SDCCAG8: variants seen among roughly 807,000 people sequenced by gnomAD.
SDCCAG8 encodes the protein SHH signaling and ciliogenesis regulator SDCCAG8.
A neutral mutation model predicts 101.8 loss-of-function variants in SDCCAG8; 74 were observed. That is an observed-to-expected ratio of 0.73 (90% CI 0.60 to 0.88). The LOEUF is 0.88. Ranked by LOEUF, SDCCAG8 falls within the 40% of genes least tolerant of loss-of-function variation. The pLI, the probability that SDCCAG8 is intolerant of heterozygous loss-of-function variation, is 0.00. For missense variants in SDCCAG8, 787 were observed against 822.6 expected, an observed-to-expected ratio of 0.96 and a Z score of 0.53; for synonymous variants, 281 against 292.9, an observed-to-expected ratio of 0.96 and a Z score of 0.41.
intron 9 of SDCCAG8, chr1:243,318,424 G>A: frequency 3.6e-6 from 1 of 276,464 alleles, no homozygotes; most frequent in Non-Finnish European, 5.5e-6. Flanking sequence ...ATACCTGGGT[G>A]ATAAAATAAT....
chr1:243,488,203 CGCAGAACG>C (rs1665466796), intron 16 of SDCCAG8: 1 of 152,332 alleles, frequency 6.6e-6, no homozygotes, highest in Non-Finnish European at 1.5e-5. Flanking sequence ...GGCCGGTGTC[CGCAGAACG>C]GCCCACGAGG....
At chr1:243,447,265 A>C (rs1230155921) in intron 16 of SDCCAG8, among the ~76,000 whole-genome samples, 1 of 150,842 alleles carries the variant, frequency 6.6e-6, no homozygotes, top group Non-Finnish European at 1.5e-5. Flanking sequence ...AAAAAAAAAA[A>C]AAAAAAAAAA....
Position 243,473,767 on chromosome 1 carries a change from CTT to C in SDCCAG8, c.1986-15245_1986-15244del, listed in dbSNP as rs1661703360. Among the ~76,000 whole-genome samples, 3 of 152,156 alleles carry C rather than the reference CTT, an allele frequency of 2.0e-5. No individual in the cohort carries two copies. In the South Asian group the frequency reaches 6.2e-4, roughly 32 times the overall value. ...GCTCAGAAGTGAAACTAAACGGTAA[CTT>C]TGTAAAGAGAGGAAGGGAATTCAAG... On this transcript the variant is annotated intron_variant, in intron 16 of 17. Coordinates refer to ENST00000366541, the MANE Select transcript of SDCCAG8 (RefSeq NM_006642.5).
intron 16 of SDCCAG8, among the ~76,000 whole-genome samples, chr1:243,445,763 C>G (rs531503430): frequency 7.2e-5 from 11 of 152,334 alleles, no homozygotes; most frequent in Admixed American, 7.2e-4. Flanking sequence ...TTTAATGGCC[C>G]TTGCCCACCA....
At chr1:243,288,197 T>A (rs2069823474) in intron 5 of SDCCAG8, among the ~76,000 whole-genome samples, 1 of 152,152 alleles carries the variant, frequency 6.6e-6, no homozygotes. Flanking sequence ...AGATACAGTG[T>A]CTTACGCATG....
At chr1:243,477,294 T>A (rs1558522895) in intron 16 of SDCCAG8, among the ~76,000 whole-genome samples, 1 of 152,192 alleles carries the variant, frequency 6.6e-6, no homozygotes, top group African/African-American at 2.4e-5. Flanking sequence ...CTGCAAAGAT[T>A]CTGATTTTCA....
rs73118384 is a variant in SDCCAG8 at position 243,390,170 on chromosome 1, T to C, written c.1616+11307T>C. ...ATCTTTTTTTTCCTCCTGAGTTTTA[T>C]TCAAGAATTTTTAGCCTAAAGTTTC... On this transcript the variant is annotated intron_variant, in intron 13 of 17. Coordinates refer to ENST00000366541, the MANE Select transcript of SDCCAG8 (RefSeq NM_006642.5). Among the ~76,000 whole-genome samples the C allele has an allele frequency of 9.3e-3, 1,422 of 152,348 alleles. 26 individuals are homozygous for C. Among genetic ancestry groups the C allele is most frequent in the African/African-American group, 0.033 (1,361 of 41,576 alleles).
chr1:243,270,136 A>G lies in SDCCAG8; in HGVS notation c.99A>G (p.Thr33=), dbSNP rs150953430. ...EHASRSIHQL[T]CALKEGDVTI... Reference sequence around the variant, plus strand: ...CCAGCAGAAGCATTCACCAACTGACATGTGCCCTGAAAGAAGGCGATGTCA... The same window carrying G: ...CCAGCAGAAGCATTCACCAACTGACGTGTGCCCTGAAAGAAGGCGATGTCA... Residue 33 remains threonine (T), a synonymous_variant, in exon 2 of 18, where the codon ACA becomes ACG. Transcript: ENST00000366541. 24 of 1,614,234 alleles carry G rather than the reference A, an allele frequency of 1.5e-5. No individual in the cohort carries two copies. The African/African-American group carries it at 2.9e-4, about 20-fold the overall frequency.
Position 243,433,787 on chromosome 1 carries a change from C to T in SDCCAG8, c.1985+7229C>T, listed in dbSNP as rs1253667518. Among the ~76,000 whole-genome samples, 6 of 152,210 alleles carry T rather than the reference C, an allele frequency of 3.9e-5. No individual in the cohort carries two copies. The South Asian group carries it at 1.2e-3, about 31-fold the overall frequency. On this transcript the variant is annotated intron_variant, in intron 16 of 17. Transcript: ENST00000366541. Reference sequence around the variant, plus strand: ...CCTGGGTAGTGATGACCAGAAGACTCACCCCGAGTATAGGTGTTTTTGTCA... The same window carrying T: ...CCTGGGTAGTGATGACCAGAAGACTTACCCCGAGTATAGGTGTTTTTGTCA...
chr1:243,405,327 GA>G (rs1390889687), intron 13 of SDCCAG8, among the ~76,000 whole-genome samples: 3 of 151,908 alleles, frequency 2.0e-5, no homozygotes, highest in Non-Finnish European at 4.4e-5. Context: ...AAGCAAAAAG[GA>G]AAAAAATTAA....
chr1:243,316,480 T>C (rs369073101), intron 8 of SDCCAG8, among the ~76,000 whole-genome samples: 2 of 152,182 alleles, frequency 1.3e-5, no homozygotes, highest in African/African-American at 2.4e-5. Flanking sequence ...TAATTTGCTC[T>C]TCTCTGGGCT....
intron 16 of SDCCAG8, among the ~76,000 whole-genome samples, chr1:243,436,998 A>G (rs1360762458): frequency 1.3e-5 from 2 of 152,162 alleles, no homozygotes; most frequent in African/African-American, 4.8e-5. Context: ...CCATATATCC[A>G]ATGTAAACCT....
intron 6 of SDCCAG8, among the ~76,000 whole-genome samples, chr1:243,300,911 T>C (rs1246684598): frequency 6.6e-6 from 1 of 152,134 alleles, no homozygotes; most frequent in Non-Finnish European, 1.5e-5. Flanking sequence ...TTTTTTGAGA[T>C]TTGTGGCAAT....
chr1:243,385,418 A>G (rs1272112806), intron 13 of SDCCAG8, among the ~76,000 whole-genome samples: 1 of 152,120 alleles, frequency 6.6e-6, no homozygotes, highest in Non-Finnish European at 1.5e-5. Flanking sequence ...TAAGAAAAAG[A>G]ACATACACAT....
At chr1:243,316,151 A>G (rs772975905) in intron 8 of SDCCAG8, among the ~76,000 whole-genome samples, 2 of 152,202 alleles carry the variant, frequency 1.3e-5, no homozygotes, top group Non-Finnish European at 2.9e-5. Flanking sequence ...CAGTGGGATA[A>G]GATTGTGTTA....
chr1:243,261,009 T>C (rs1467429076), intron 1 of SDCCAG8, among the ~76,000 whole-genome samples: 1 of 152,212 alleles, frequency 6.6e-6, no homozygotes, highest in African/African-American at 2.4e-5. Context: ...AAGTTTGGAC[T>C]GGATGTGAGA....
At chr1:243,265,671 G>A (rs1031191485) in intron 1 of SDCCAG8, among the ~76,000 whole-genome samples, 1 of 152,116 alleles carries the variant, frequency 6.6e-6, no homozygotes, top group Non-Finnish European at 1.5e-5. Flanking sequence ...AAATTAGGTG[G>A]GTGTGGTGGC....
intron 12 of SDCCAG8, among the ~76,000 whole-genome samples, chr1:243,373,842 T>C (rs1419453610): frequency 6.6e-6 from 1 of 152,060 alleles, no homozygotes; most frequent in South Asian, 2.1e-4. Context: ...CCAAAACTTA[T>C]TAAACCCACA....
At chr1:243,414,845 ATGTGTGTGTG>A (rs35826806) in intron 13 of SDCCAG8, among the ~76,000 whole-genome samples, 41 of 148,976 alleles carry the variant, frequency 2.8e-4, no homozygotes, top group African/African-American at 8.8e-4. Flanking sequence ...CCATTCTAAT[ATGTGTGTGTG>A]TGTGTGTGTG....
Sources: allele counts gnomAD v4.1 joint callset (sites outside exome capture counted in the v4.1 genomes callset), GRCh38; gene constraint gnomAD v4.1.1; transcripts MANE v1.5; gene names NCBI Gene and HGNC (gene_info 2026-07-23, HGNC 2026-07-21).